FMR1: variants seen among roughly 807,000 people sequenced by gnomAD.
FMR1 encodes the protein FMRP translational regulator 1.
A neutral mutation model predicts 50.6 loss-of-function variants in FMR1; 13 were observed. The ratio of observed to expected loss-of-function variants is 0.26; its 90% CI spans 0.17 to 0.41. The LOEUF (loss-of-function observed/expected upper bound fraction) is 0.41, where lower values mean the gene tolerates loss of function less well. FMR1 is among the 10% of genes least tolerant of loss of function. The probability of loss-of-function intolerance (pLI) is 1.00; values close to 1 mark genes in which losing one functional copy is unlikely to be tolerated. For synonymous variants in FMR1, 138 were observed against 164.1 expected, an observed-to-expected ratio of 0.84 and a Z score of 1.22; for missense variants, 316 against 491.3, an observed-to-expected ratio of 0.64 and a Z score of 3.37.
chrX:147,934,049 A>G (rs2043700402), intron 9 of FMR1, among the ~76,000 whole-genome samples: 1 of 112,522 alleles, frequency 8.9e-6, no homozygotes, highest in South Asian at 3.6e-4. Context: ...GAATGTATGC[A>G]TAGCGCAAGA....
chrX:147,926,348 A>G (rs2043386493), intron 3 of FMR1, among the ~76,000 whole-genome samples: 1 of 111,644 alleles, frequency 9.0e-6, no homozygotes, highest in Non-Finnish European at 1.9e-5. Flanking sequence ...TTCTTTTTCT[A>G]CAATAATAAG....
rs368581020 is a variant in FMR1, at chrX:147,918,555, C to CTTTTTTTTTTTTTTTTTTTTTTT, written c.52-3375_52-3353dup. Among the ~76,000 whole-genome samples the CTTTTTTTTTTTTTTTTTTTTTTT allele has an allele frequency of 1.9e-4, 9 of 47,279 alleles. 2 individuals carry two copies. Among genetic ancestry groups the CTTTTTTTTTTTTTTTTTTTTTTT allele is most frequent in the African/African-American group, 3.2e-4 (3 of 9,275 alleles). 41.1% of individuals were successfully genotyped at this position (47,279 alleles called of 115,157 possible). On this transcript the variant is annotated intron_variant, in intron 1 of 16. Coordinates refer to ENST00000370475, the MANE Select transcript of FMR1 (RefSeq NM_002024.6). ...GAAATGCATTCAGAGCCTGCAAAAG[C>CTTTTTTTTTTTTTTTTTTTTTTT]TTTTTTTTTTTTTTTTTTTTTTTTT...
At chrX:147,923,405 T>G (rs1557176838) in intron 2 of FMR1, among the ~76,000 whole-genome samples, 1 of 111,880 alleles carries the variant, frequency 8.9e-6, no homozygotes, top group Admixed American at 9.5e-5. Flanking sequence ...TTGGAGGGTA[T>G]TTTTTTCTTA....
chrX:147,945,677 A>C, intron 16 of FMR1, 61 bp downstream of exon 16: 1 of 837,250 alleles, frequency 1.2e-6, no homozygotes, highest in South Asian at 2.2e-5. Flanking sequence ...GAGATTTATG[A>C]GTTTATTTTA....
chrX:147,944,129 C>T, intron 14 of FMR1: 1 of 752,766 alleles, frequency 1.3e-6, no homozygotes, highest in Non-Finnish European at 1.6e-6. Context: ...CAACCTTGAA[C>T]CTAACCCCTA....
rs2044276172 is a variant in FMR1 at position 147,949,726 on chromosome X, G to C, written c.*882G>C. 3 of 328,776 alleles carry C rather than the reference G, an allele frequency of 9.1e-6. No individual in the cohort carries two copies. Among genetic ancestry groups the C allele is most frequent in the Non-Finnish European group, 1.8e-5 (3 of 169,747 alleles). 27.1% of individuals were successfully genotyped at this position (328,776 alleles called of 1,213,427 possible). ...TTTTCAGCTAGGAACAAATCTTCCTGGTCGAAAGTTAGTAGGATATGCCTG... is the reference window on the plus strand; with the variant it reads ...TTTTCAGCTAGGAACAAATCTTCCTCGTCGAAAGTTAGTAGGATATGCCTG... On this transcript the variant is annotated 3_prime_UTR_variant, in exon 17 of 17. Coordinates refer to ENST00000370475, the MANE Select transcript of FMR1 (RefSeq NM_002024.6).
At chrX:147,945,783 C>T (rs1407814163) in intron 16 of FMR1, 167 bp downstream of exon 16, 1 of 465,385 alleles carries the variant, frequency 2.1e-6, no homozygotes. Flanking sequence ...TTCTTTGTGA[C>T]AAGTATACAA....
Position 147,943,516 on chromosome X carries a change from G to A in FMR1, c.1471+190G>A, listed in dbSNP as rs962460849. On this transcript the variant is annotated intron_variant, in intron 14 of 16. Transcript: ENST00000370475. ...ATAAACACGTAGAGTTCACAGGGCC[G>A]GTGCAAGTTCTGTTCATGCTCTGAT... 9.0e-5 allele frequency: 40 copies of A among 443,876 alleles called. No individual in the cohort carries two copies. The Middle Eastern group carries it at 1.9e-3, about 21-fold the overall frequency. 36.6% of individuals were successfully genotyped at this position (443,876 alleles called of 1,213,427 possible). A position where few individuals can be genotyped will look rare whatever the true frequency, so the allele number is the denominator to read the frequency against.
At chrX:147,922,540 T>C (rs888951197) in intron 2 of FMR1, among the ~76,000 whole-genome samples, 13 of 111,946 alleles carry the variant, frequency 1.2e-4, no homozygotes, top group African/African-American at 3.9e-4. Flanking sequence ...ATTAACTGTA[T>C]GAAAGCATCA....
chrX:147,939,419 G>C (rs950130826), intron 12 of FMR1, among the ~76,000 whole-genome samples: 6 of 111,621 alleles, frequency 5.4e-5, no homozygotes, highest in African/African-American at 2.0e-4. Context: ...TTATTGAAAT[G>C]TGTATGGGCT....
In FMR1 at chrX:147,945,568, A is replaced by C; in HGVS notation, c.1689A>C (p.Pro563=). 1.7e-6 allele frequency: 2 copies of C among 1,210,390 alleles called. No homozygotes were observed. The highest frequency in any genetic ancestry group is 2.2e-6 in the Non-Finnish European group (2 of 893,909). ...NDDHSRTDNR[P]RNPREAKGRT... ...ATCACTCCCGAACAGATAATCGTCC[A>C]CGTAATCCAAGAGAGGCTAAAGGAA... is the stretch of plus-strand genomic sequence containing the variant. Residue 563 remains proline (P), a synonymous_variant, in exon 16 of 17, where the codon CCA becomes CCC. Coordinates refer to ENST00000370475, the MANE Select transcript of FMR1 (RefSeq NM_002024.6).
chrX:147,938,337 G>A (rs2043862863), intron 12 of FMR1, among the ~76,000 whole-genome samples, 176 bp downstream of exon 12: 1 of 111,820 alleles, frequency 8.9e-6, no homozygotes, highest in South Asian at 3.7e-4. Flanking sequence ...CCGCTTGTAA[G>A]GCTTTTCCTA....
In FMR1 at chrX:147,912,250, GC is replaced by G; in HGVS notation, c.51+24del. The G allele has an allele frequency of 8.7e-7, 1 of 1,155,170 alleles. No individual in the cohort carries two copies. On this transcript the variant is annotated intron_variant, in intron 1 of 16. Coordinates refer to ENST00000370475, the MANE Select transcript of FMR1 (RefSeq NM_002024.6). Reference sequence around the variant, plus strand: ...TACAAGGTACTTGGCTCTAGGGCAGGCCCCATCTTCGCCCTTCCTTCCCTCC... The same window carrying G: ...TACAAGGTACTTGGCTCTAGGGCAGGCCCATCTTCGCCCTTCCTTCCCTCC...
chrX:147,929,407 G>T (rs782230255), intron 5 of FMR1, among the ~76,000 whole-genome samples: 2 of 111,098 alleles, frequency 1.8e-5, no homozygotes, highest in Non-Finnish European at 3.8e-5. Context: ...TAGAGATTGT[G>T]TATGTGTGTA....
chrX:147,916,362 G>A (rs1293784714), intron 1 of FMR1, among the ~76,000 whole-genome samples: 2 of 111,882 alleles, frequency 1.8e-5, no homozygotes, highest in African/African-American at 6.5e-5. Context: ...GGTATGGTTG[G>A]AAGGACTGTT....
chrX:147,915,614 T>G (rs1188974226), intron 1 of FMR1, among the ~76,000 whole-genome samples: 3 of 111,543 alleles, frequency 2.7e-5, no homozygotes, highest in Non-Finnish European at 5.7e-5. Flanking sequence ...AATTATTAAT[T>G]AGATGCAACA....
In FMR1 at chrX:147,949,993, AAG is replaced by A. The variant is rs1305902453; in HGVS notation, c.*1151_*1152del. On this transcript the variant is annotated 3_prime_UTR_variant, in exon 17 of 17. Coordinates refer to ENST00000370475, the MANE Select transcript of FMR1 (RefSeq NM_002024.6). ...GTCTAATGTTTAAGCAGAATTGGAA[AAG>A]ACTAAGATCGGTTAACAAATAACAA... is the stretch of plus-strand genomic sequence containing the variant. The A allele has an allele frequency of 3.2e-6, 1 of 316,665 alleles. No homozygotes were observed. The highest frequency in any genetic ancestry group is 6.0e-6 in the Non-Finnish European group (1 of 166,793). 26.1% of individuals were successfully genotyped at this position (316,665 alleles called of 1,213,427 possible).
At chrX:147,946,796 TGA>T (rs1557182079) in intron 16 of FMR1, 1 of 112,301 alleles carries the variant, frequency 8.9e-6, no homozygotes. Flanking sequence ...CCAAGATTAG[TGA>T]GAGATACTTT....
At chrX:147,933,742 A>G in intron 9 of FMR1, 1 of 520,863 alleles carries the variant, frequency 1.9e-6, no homozygotes, top group Non-Finnish European at 2.4e-6. Context: ...ATAAAGTAAT[A>G]CATGTTCTTT....
Sources: allele counts gnomAD v4.1 joint callset (sites outside exome capture counted in the v4.1 genomes callset), GRCh38; gene constraint gnomAD v4.1.1; transcripts MANE v1.5; gene names NCBI Gene and HGNC (gene_info 2026-07-23, HGNC 2026-07-21).